TP63: variants seen among roughly 807,000 people sequenced by gnomAD.
TP63 encodes tumor protein p63.
TP63 carries 17 observed loss-of-function variants against 82.8 expected under a neutral mutation model. The observed-to-expected ratio is 0.21, with a 90% CI of 0.14 to 0.31. The LOEUF is 0.31. Ranked by LOEUF, TP63 falls within the 10% of genes least tolerant of loss-of-function variation. The pLI is 1.00. For synonymous variants in TP63, 330 were observed against 321.7 expected (o/e 1.03, Z -0.28); for missense variants, 648 against 895.3 (o/e 0.72, Z 3.52).
At chr3:189,815,640 T>C (rs573159151) in intron 4 of TP63, among the ~76,000 whole-genome samples, 3 of 152,262 alleles carry the variant, frequency 2.0e-5, no homozygotes, top group South Asian at 2.1e-4. Context: ...TGTAAAACAC[T>C]ACAGGCCAAA....
At chr3:189,875,589 C>CATATATATATATATATATATATAT (rs779050433) in intron 10 of TP63, among the ~76,000 whole-genome samples, 4 of 44,424 alleles carry the variant, frequency 9.0e-5, no homozygotes, top group African/African-American at 3.2e-4. Context: ...AAAAAAAATA[C>CATATATATATATATATATATATAT]ATACATATAT....
chr3:189,854,633 G>T (rs540873387), intron 4 of TP63, among the ~76,000 whole-genome samples: 4 of 152,204 alleles, frequency 2.6e-5, no homozygotes, highest in Non-Finnish European at 4.4e-5. Flanking sequence ...ATAATTTTAT[G>T]CCCTAAAAGC....
intron 7 of TP63, among the ~76,000 whole-genome samples, 168 bp from the exon 8 acceptor site, chr3:189,868,412 C>T (rs566831552): frequency 6.6e-6 from 1 of 152,194 alleles, no homozygotes; most frequent in Non-Finnish European, 1.5e-5. Context: ...GGCATGTTAG[C>T]ACTTTTGTGT....
intron 1 of TP63, among the ~76,000 whole-genome samples, chr3:189,720,642 G>A (rs1719309262): frequency 6.7e-6 from 1 of 150,210 alleles, no homozygotes; most frequent in Admixed American, 6.7e-5. Context: ...GCTGAGGCAG[G>A]ATAATCACTT....
At chr3:189,615,464 C>T in the TP63 span, among the ~76,000 whole-genome samples, 8 of 152,318 alleles carry the variant, frequency 5.3e-5, no homozygotes, top group African/African-American at 1.2e-4. Context: ...TTTAATGGCA[C>T]GCATCACATT....
At chr3:189,723,531 A>G (rs1158139538) in intron 1 of TP63, among the ~76,000 whole-genome samples, 1 of 152,214 alleles carries the variant, frequency 6.6e-6, no homozygotes, top group African/African-American at 2.4e-5. Flanking sequence ...CAAATATTTT[A>G]TTCAACAAAC....
chr3:189,837,749 CA>C (rs1482243270), intron 4 of TP63, among the ~76,000 whole-genome samples: 1 of 152,124 alleles, frequency 6.6e-6, no homozygotes, highest in Non-Finnish European at 1.5e-5. Context: ...CTCTCAGGCT[CA>C]ATCAGTCCTC....
the TP63 span, among the ~76,000 whole-genome samples, chr3:189,603,029 C>A: frequency 2.0e-5 from 3 of 152,078 alleles, no homozygotes; most frequent in African/African-American, 7.2e-5. Flanking sequence ...TTCTCAGCTG[C>A]ACTGCTATAT....
At chr3:189,636,899 G>A (rs1334817660) in intron 1 of TP63, among the ~76,000 whole-genome samples, 2 of 151,992 alleles carry the variant, frequency 1.3e-5, no homozygotes, top group Non-Finnish European at 2.9e-5. Flanking sequence ...TGACTGCATC[G>A]TTTATCATCA....
chr3:189,647,397 C>A (rs947860843), intron 1 of TP63, among the ~76,000 whole-genome samples: 1 of 146,956 alleles, frequency 6.8e-6, no homozygotes, highest in African/African-American at 2.6e-5. Context: ...ATCTAAGTTT[C>A]GTGATGAACA....
At chr3:189,742,529 A>G (rs1276958135) in intron 3 of TP63, among the ~76,000 whole-genome samples, 1 of 152,102 alleles carries the variant, frequency 6.6e-6, no homozygotes, top group Non-Finnish European at 1.5e-5. Context: ...TTGTTGAATC[A>G]TCCCAGATAT....
intron 1 of TP63, among the ~76,000 whole-genome samples, chr3:189,721,741 C>T (rs1719410692): frequency 6.6e-6 from 1 of 152,230 alleles, no homozygotes; most frequent in South Asian, 2.1e-4. Flanking sequence ...TGCTTATCCT[C>T]GCCACTTGAG....
Position 189,864,298 on chromosome 3 carries a change from A to T in TP63, c.646A>T (p.Met216Leu), listed in dbSNP as rs759801493. Residue 216 changes from methionine to leucine, a missense_variant, in exon 5 of 14, where the codon ATG (methionine) becomes TTG (leucine). By Grantham distance (15) the Met-to-Leu change is conservative (BLOSUM62 2). Coordinates refer to ENST00000264731, the MANE Select transcript of TP63 (RefSeq NM_003722.5). ...GACATGCCCCATCCAGATCAAGGTGATGACCCCACCTCCTCAGGGAGCTGT... is the reference window on the plus strand; with the variant it reads ...GACATGCCCCATCCAGATCAAGGTGTTGACCCCACCTCCTCAGGGAGCTGT... ...AKTCPIQIKV[M>L]TPPPQGAVIR... 1.9e-6 allele frequency: 3 copies of T among 1,614,212 alleles called. No homozygotes were observed. Among genetic ancestry groups the T allele is most frequent in the Non-Finnish European group, 2.5e-6 (3 of 1,180,026 alleles).
intron 1 of TP63, among the ~76,000 whole-genome samples, chr3:189,691,353 AAAAAAAAG>A (rs1366271027): frequency 4.1e-5 from 6 of 147,218 alleles, no homozygotes; most frequent in African/African-American, 1.6e-4. Flanking sequence ...AAAAAAAAAA[AAAAAAAAG>A]AAAAAGAAAA....
intron 3 of TP63, among the ~76,000 whole-genome samples, chr3:189,758,163 C>T (rs1417282014): frequency 6.6e-6 from 1 of 152,172 alleles, no homozygotes; most frequent in African/African-American, 2.4e-5. Context: ...GTTAGATTCT[C>T]ATAAGGAGCA....
chr3:189,683,216 G>A (rs1158561749), intron 1 of TP63, among the ~76,000 whole-genome samples: 1 of 152,084 alleles, frequency 6.6e-6, no homozygotes, highest in Non-Finnish European at 1.5e-5. Flanking sequence ...ATAACTATGT[G>A]CAAGGTACTG....
intron 1 of TP63, among the ~76,000 whole-genome samples, chr3:189,640,414 C>G (rs1711728100): frequency 6.6e-6 from 1 of 152,042 alleles, no homozygotes; most frequent in Non-Finnish European, 1.5e-5. Context: ...GCTGATGTGG[C>G]TGTAATTGAG....
chr3:189,791,637 C>T (rs979499574), intron 3 of TP63, among the ~76,000 whole-genome samples: 2 of 152,118 alleles, frequency 1.3e-5, no homozygotes, highest in African/African-American at 4.8e-5. Context: ...GCTGCACTTC[C>T]CTACCTTTCT....
intron 1 of TP63, among the ~76,000 whole-genome samples, chr3:189,688,259 G>A (rs1310157572): frequency 2.6e-5 from 4 of 152,192 alleles, no homozygotes; most frequent in African/African-American, 9.7e-5. Context: ...AACTCGAGAT[G>A]TCCAGGTGAA....
Sources: gnomAD v4.1 joint callset for allele counts (sites outside exome capture counted in the v4.1 genomes callset) on GRCh38, gnomAD v4.1.1 for gene constraint, MANE v1.5 for transcripts, NCBI Gene and HGNC (gene_info 2026-07-23, HGNC 2026-07-21) for gene names.